The following EXT1 variants were observed in gnomAD, a reference collection of about 807,000 sequenced individuals.
EXT1 encodes the protein exostosin-1.
EXT1 carries 20 observed loss-of-function variants against 82.5 expected under a neutral mutation model. The ratio of observed to expected loss-of-function variants is 0.24; its 90% CI spans 0.17 to 0.35. The LOEUF (loss-of-function observed/expected upper bound fraction) is 0.35. EXT1 is among the 10% of genes least tolerant of loss of function. The pLI, the probability that EXT1 is intolerant of heterozygous loss-of-function variation, is 1.00. For synonymous variants in EXT1, 348 were observed against 350.8 expected, an observed-to-expected ratio of 0.99 and a Z score of 0.09; for missense variants, 757 against 936.5, an observed-to-expected ratio of 0.81 and a Z score of 2.50.
chr8:117,831,632 C>A (rs1203719068), intron 3 of EXT1: 1 of 471,132 alleles, frequency 2.1e-6, no homozygotes, highest in Non-Finnish European at 4.4e-6. Flanking sequence ...TAACATATGA[C>A]TAATCCGACA....
intron 1 of EXT1, among the ~76,000 whole-genome samples, chr8:118,048,566 T>C (rs1030684366): frequency 1.1e-4 from 17 of 152,094 alleles, no homozygotes; most frequent in Non-Finnish European, 2.5e-4. Flanking sequence ...AACAGACCCA[T>C]CAGAAAAACA....
chr8:118,046,031 A>G (rs1816616867), intron 1 of EXT1, among the ~76,000 whole-genome samples: 1 of 151,956 alleles, frequency 6.6e-6, no homozygotes, highest in Admixed American at 6.5e-5. Context: ...CCTGGCCTCA[A>G]GTGATCCGCC....
chr8:117,847,635 C>T, intron 1 of EXT1, among the ~76,000 whole-genome samples: 1 of 152,146 alleles, frequency 6.6e-6, no homozygotes, highest in South Asian at 2.1e-4. Flanking sequence ...CTGCACCAGT[C>T]CAAAAAGCAA....
At chr8:117,847,527 G>A (rs1232902208) in intron 1 of EXT1, among the ~76,000 whole-genome samples, 1 of 152,184 alleles carries the variant, frequency 6.6e-6, no homozygotes, top group Non-Finnish European at 1.5e-5. Flanking sequence ...TGCATGCACA[G>A]TGCGGTTCAA....
At chr8:117,909,870 C>T (rs893253779) in intron 1 of EXT1, among the ~76,000 whole-genome samples, 5 of 152,056 alleles carry the variant, frequency 3.3e-5, no homozygotes, top group African/African-American at 1.2e-4. Flanking sequence ...CAGGTTCAAG[C>T]GATTCTCCTG....
intron 3 of EXT1, among the ~76,000 whole-genome samples, chr8:117,832,512 G>A (rs1314935984): frequency 4.7e-5 from 7 of 147,656 alleles, no homozygotes; most frequent in Admixed American, 3.4e-4. Context: ...GACAGAGCAA[G>A]ACTGTCTTAA....
Position 118,012,083 on chromosome 8 carries a change from C to T in EXT1, c.962+98002G>A, listed in dbSNP as rs184469088. Among the ~76,000 whole-genome samples, 772 of 152,322 alleles carry T rather than the reference C, an allele frequency of 5.1e-3. 6 individuals carry two copies. Among genetic ancestry groups the T allele is most frequent in the Non-Finnish European group, 5.5e-3 (374 of 68,032 alleles). On this transcript the variant is annotated intron_variant, in intron 1 of 10. Coordinates refer to ENST00000378204, the MANE Select transcript of EXT1 (RefSeq NM_000127.3). ...CTTCACACAGCAAGAACTACCACCA[C>T]GGACGTGTCTCCTTTCTTTAAAGTG...
intron 1 of EXT1, among the ~76,000 whole-genome samples, chr8:117,868,141 A>C (rs2129883129): frequency 6.6e-6 from 1 of 152,318 alleles, no homozygotes; most frequent in Admixed American, 6.5e-5. Flanking sequence ...TGATCCCTAC[A>C]CCAGGGTTAA....
chr8:118,102,305 G>A (rs1184197772), intron 1 of EXT1, among the ~76,000 whole-genome samples: 1 of 149,810 alleles, frequency 6.7e-6, no homozygotes, highest in Non-Finnish European at 1.5e-5. Flanking sequence ...GTAAGAAAAT[G>A]TAAATGGTTA....
intron 1 of EXT1, among the ~76,000 whole-genome samples, chr8:118,083,764 A>C (rs1423514409): frequency 1.3e-5 from 2 of 152,166 alleles, no homozygotes; most frequent in Non-Finnish European, 2.9e-5. Context: ...GCAGTAGCTC[A>C]TGCCTGTAAT....
At chr8:118,092,902 C>A (rs1174831487) in intron 1 of EXT1, among the ~76,000 whole-genome samples, 1 of 152,178 alleles carries the variant, frequency 6.6e-6, no homozygotes, top group Non-Finnish European at 1.5e-5. Flanking sequence ...AATGACAGTT[C>A]TTACACCATG....
At chr8:118,005,370 T>C (rs1333182484) in intron 1 of EXT1, among the ~76,000 whole-genome samples, 2 of 152,182 alleles carry the variant, frequency 1.3e-5, no homozygotes, top group Non-Finnish European at 2.9e-5. Context: ...CTCGATTTGC[T>C]ACAGCATAGC....
intron 1 of EXT1, among the ~76,000 whole-genome samples, chr8:117,986,335 A>G (rs1815319365): frequency 6.6e-6 from 1 of 151,936 alleles, no homozygotes; most frequent in Non-Finnish European, 1.5e-5. Context: ...GATTACAGGC[A>G]TGCACCACCA....
At chr8:117,942,329 TGTA>T (rs1335884612) in intron 1 of EXT1, among the ~76,000 whole-genome samples, 2 of 152,188 alleles carry the variant, frequency 1.3e-5, no homozygotes, top group African/African-American at 4.8e-5. Context: ...CTTATGAGAC[TGTA>T]ATAATGTAGG....
At chr8:117,905,608 C>T (rs990936679) in intron 1 of EXT1, among the ~76,000 whole-genome samples, 1 of 152,144 alleles carries the variant, frequency 6.6e-6, no homozygotes, top group East Asian at 1.9e-4. Flanking sequence ...GTCAGGAGAT[C>T]GAGATCATCC....
chr8:117,831,160 G>T (rs182603058), intron 3 of EXT1, among the ~76,000 whole-genome samples: 11 of 152,250 alleles, frequency 7.2e-5, no homozygotes, highest in Non-Finnish European at 1.5e-5. Flanking sequence ...TCAGGCACAG[G>T]GGCACAGAAG....
chr8:118,042,011 A>G (rs1816541119), intron 1 of EXT1, among the ~76,000 whole-genome samples: 1 of 151,638 alleles, frequency 6.6e-6, no homozygotes, highest in African/African-American at 2.4e-5. Context: ...CTGTCACCTC[A>G]CTAAGCCCCG....
At chr8:118,031,917 A>C (rs1816327578) in intron 1 of EXT1, among the ~76,000 whole-genome samples, 1 of 152,008 alleles carries the variant, frequency 6.6e-6, no homozygotes, top group Non-Finnish European at 1.5e-5. Flanking sequence ...TGTTTATATC[A>C]CAGAAACTGG....
At chr8:117,845,716 G>A (rs1412599149) in intron 1 of EXT1, among the ~76,000 whole-genome samples, 1 of 151,984 alleles carries the variant, frequency 6.6e-6, no homozygotes, top group Non-Finnish European at 1.5e-5. Context: ...AGTCCCCAAA[G>A]TATTGAGATG....
Sources: gnomAD v4.1 joint callset for allele counts (sites outside exome capture counted in the v4.1 genomes callset) on GRCh38, gnomAD v4.1.1 for gene constraint, MANE v1.5 for transcripts, NCBI Gene and HGNC (gene_info 2026-07-23, HGNC 2026-07-21) for gene names.